CEP112: variants seen among roughly 807,000 people sequenced by gnomAD.
CEP112 encodes centrosomal protein 112.
Under a neutral mutation model 153.0 loss-of-function variants are expected in CEP112, and 127 were observed. That is an observed-to-expected ratio of 0.83 (90% CI 0.72 to 0.96). The LOEUF is 0.96. Among genes scored for constraint, CEP112 ranks in the 40% least tolerant of loss-of-function variants. The pLI is 0.00. For synonymous variants in CEP112, 358 were observed against 374.4 expected (o/e 0.96, Z 0.51); for missense variants, 1,089 against 1,101.2 (o/e 0.99, Z 0.16).
chr17:65,971,518 C>T (rs1003851427), intron 17 of CEP112, among the ~76,000 whole-genome samples: 6 of 149,268 alleles, frequency 4.0e-5, no homozygotes, highest in African/African-American at 1.2e-4. Context: ...ATGCACATTA[C>T]ATGTGTATCA....
chr17:65,926,582 G>A (rs958175127), intron 19 of CEP112, among the ~76,000 whole-genome samples: 3 of 152,058 alleles, frequency 2.0e-5, no homozygotes, highest in South Asian at 2.1e-4. Flanking sequence ...ACGTGGTGGC[G>A]TGTGCCTGTA....
chr17:65,730,133 G>C (rs1010503406), intron 23 of CEP112, among the ~76,000 whole-genome samples: 1 of 152,160 alleles, frequency 6.6e-6, no homozygotes, highest in Admixed American at 6.5e-5. Flanking sequence ...TGTTCCAGGG[G>C]CTAAAAATAT....
chr17:66,156,965 T>C (rs1488303694), intron 4 of CEP112, among the ~76,000 whole-genome samples: 2 of 152,126 alleles, frequency 1.3e-5, no homozygotes, highest in Non-Finnish European at 2.9e-5. Flanking sequence ...CAGGATATTA[T>C]CCAGGCAAAC....
intron 19 of CEP112, among the ~76,000 whole-genome samples, chr17:65,919,563 T>G (rs763478357): frequency 6.6e-5 from 10 of 152,106 alleles, no homozygotes; most frequent in Admixed American, 2.0e-4. Context: ...GACAGGTACC[T>G]AAATGAATGA....
chr17:66,046,623 T>C (rs1367834850), intron 12 of CEP112, among the ~76,000 whole-genome samples: 2 of 152,130 alleles, frequency 1.3e-5, no homozygotes, highest in Non-Finnish European at 1.5e-5. Flanking sequence ...CAAAAAGATA[T>C]GTTGAAGGAC....
At chr17:65,818,603 A>C (rs927571004) in intron 21 of CEP112, among the ~76,000 whole-genome samples, 1 of 151,830 alleles carries the variant, frequency 6.6e-6, no homozygotes, top group Non-Finnish European at 1.5e-5. Flanking sequence ...CAAGTTTATT[A>C]TTATAAAACT....
At chr17:65,685,765 C>T (rs1049610031) in intron 24 of CEP112, among the ~76,000 whole-genome samples, 1 of 151,488 alleles carries the variant, frequency 6.6e-6, no homozygotes, top group Admixed American at 6.6e-5. Flanking sequence ...CTCCACCTCC[C>T]AGGTTCAAGC....
At chr17:65,683,547 C>T (rs1004585633) in intron 24 of CEP112, among the ~76,000 whole-genome samples, 2 of 152,158 alleles carry the variant, frequency 1.3e-5, no homozygotes, top group Admixed American at 6.5e-5. Context: ...TGGAAGGACC[C>T]GGCTCCCCGG....
chr17:65,827,072 GC>G (rs776629832), intron 21 of CEP112, among the ~76,000 whole-genome samples: 31 of 152,338 alleles, frequency 2.0e-4, no homozygotes, highest in African/African-American at 6.7e-4. Flanking sequence ...GATGCTTCCT[GC>G]CCTTGAACAT....
intron 16 of CEP112, among the ~76,000 whole-genome samples, chr17:66,019,279 A>C (rs2145602505): frequency 7.0e-6 from 1 of 142,856 alleles, no homozygotes; most frequent in African/African-American, 2.6e-5. Context: ...TTATACCAAA[A>C]GTTATTGAAT....
intron 24 of CEP112, among the ~76,000 whole-genome samples, chr17:65,649,073 A>ACACACACACACACAC (rs2045597016): frequency 1.4e-5 from 2 of 139,866 alleles, no homozygotes; most frequent in Non-Finnish European, 3.2e-5. Flanking sequence ...CAAACAAACA[A>ACACACACACACACAC]ACACACACAC....
At chr17:66,061,977 T>C (rs2066937988) in intron 11 of CEP112, among the ~76,000 whole-genome samples, 1 of 152,244 alleles carries the variant, frequency 6.6e-6, no homozygotes, top group Non-Finnish European at 1.5e-5. Context: ...GTTCTCATGA[T>C]AGTGAGTGAG....
At chr17:65,706,986 CA>C (rs1026615072) in intron 23 of CEP112, among the ~76,000 whole-genome samples, 4 of 152,240 alleles carry the variant, frequency 2.6e-5, no homozygotes, top group Non-Finnish European at 4.4e-5. Context: ...TTCTATTCCA[CA>C]TGTTCCCTCC....
At chr17:66,161,699 G>A (rs918882541) in intron 4 of CEP112, among the ~76,000 whole-genome samples, 5 of 152,048 alleles carry the variant, frequency 3.3e-5, no homozygotes, top group African/African-American at 9.7e-5. Context: ...GGGGGCTAGG[G>A]GAGGGATAGC....
At chr17:65,936,151 G>T (rs2061298549) in intron 18 of CEP112, among the ~76,000 whole-genome samples, 1 of 152,214 alleles carries the variant, frequency 6.6e-6, no homozygotes, top group Middle Eastern at 3.4e-3. Context: ...GGAAACAGAT[G>T]AATTCCTACA....
intron 14 of CEP112, 139 bp from the exon 15 acceptor site, chr17:66,028,544 TG>T (rs1447038474): frequency 4.7e-6 from 2 of 427,670 alleles, no homozygotes; most frequent in African/African-American, 4.1e-5. Flanking sequence ...GAATGAAAAA[TG>T]TTTTTAAAAG....
intron 21 of CEP112, among the ~76,000 whole-genome samples, chr17:65,837,155 A>T (rs1237669711): frequency 6.6e-6 from 1 of 151,782 alleles, no homozygotes; most frequent in South Asian, 2.1e-4. Context: ...GCTCGCTACA[A>T]CCTCCACATC....
intron 21 of CEP112, among the ~76,000 whole-genome samples, chr17:65,839,975 T>C (rs748716862): frequency 3.1e-4 from 47 of 152,134 alleles, no homozygotes; most frequent in Non-Finnish European, 5.6e-4. Context: ...TAAAAGTTTC[T>C]ACACTGAAAA....
intron 21 of CEP112, among the ~76,000 whole-genome samples, chr17:65,815,394 A>G (rs2056210956): frequency 6.6e-6 from 1 of 152,112 alleles, no homozygotes; most frequent in Admixed American, 6.6e-5. Context: ...GTTAATCTTT[A>G]CACCAATACC....
Sources: allele counts gnomAD v4.1 joint callset (sites outside exome capture counted in the v4.1 genomes callset), GRCh38; gene constraint gnomAD v4.1.1; transcripts MANE v1.5; gene names NCBI Gene and HGNC (gene_info 2026-07-23, HGNC 2026-07-21).